Variants in PTPRM observed in about 807,000 individuals in gnomAD.
PTPRM encodes the protein protein tyrosine phosphatase receptor type M.
In PTPRM, 47 loss-of-function variants were observed where a neutral mutation model predicts 186.7. That is an observed-to-expected ratio of 0.25 (90% CI 0.20 to 0.32). The LOEUF is 0.32. PTPRM is among the 10% of genes least tolerant of loss of function. The probability of loss-of-function intolerance (pLI) is 1.00; values close to 1 mark genes in which losing one functional copy is unlikely to be tolerated. For synonymous variants in PTPRM, 668 were observed against 674.9 expected (o/e 0.99, Z 0.16); for missense variants, 1,494 against 1,865.0 (o/e 0.80, Z 3.66).
At chr18:7,999,133 G>A (rs1599954891) in intron 7 of PTPRM, among the ~76,000 whole-genome samples, 1 of 152,154 alleles carries the variant, frequency 6.6e-6, no homozygotes, top group Admixed American at 6.5e-5. Context: ...CCTTTCCGCT[G>A]CAGAGTGCAC....
At chr18:8,126,765 TG>T (rs1428582762) in intron 13 of PTPRM, among the ~76,000 whole-genome samples, 1 of 152,098 alleles carries the variant, frequency 6.6e-6, no homozygotes, top group Non-Finnish European at 1.5e-5. Flanking sequence ...GTATATGGCT[TG>T]AAGATGGTGG....
chr18:8,375,252 A>C (rs2095687618), intron 24 of PTPRM, among the ~76,000 whole-genome samples: 1 of 152,218 alleles, frequency 6.6e-6, no homozygotes, highest in South Asian at 2.1e-4. Context: ...GACCTAGCCT[A>C]GAATTCCAGC....
intron 19 of PTPRM, among the ~76,000 whole-genome samples, chr18:8,289,561 CACAT>C (rs202104423): frequency 0.022 from 1,670 of 76,844 alleles, 145 homozygotes; most frequent in African/African-American, 0.092. Context: ...CATATATATA[CACAT>C]ATATATATAT....
At chr18:8,317,748 A>G (rs989989559) in intron 21 of PTPRM, among the ~76,000 whole-genome samples, 1 of 152,208 alleles carries the variant, frequency 6.6e-6, no homozygotes, top group African/African-American at 2.4e-5. Context: ...ATGGCCAAGT[A>G]GATAAGGACT....
intron 7 of PTPRM, among the ~76,000 whole-genome samples, chr18:8,008,564 T>G (rs1202260745): frequency 6.6e-6 from 1 of 152,224 alleles, no homozygotes; most frequent in Non-Finnish European, 1.5e-5. Context: ...TATTTATTTG[T>G]ACTTTGGGTG....
At chr18:7,996,151 C>T (rs927727148) in intron 7 of PTPRM, among the ~76,000 whole-genome samples, 1 of 151,388 alleles carries the variant, frequency 6.6e-6, no homozygotes, top group Non-Finnish European at 1.5e-5. Flanking sequence ...TCCATTTACT[C>T]TTTTTTTCCT....
At chr18:7,685,064 A>G (rs986451690) in intron 1 of PTPRM, among the ~76,000 whole-genome samples, 1 of 152,216 alleles carries the variant, frequency 6.6e-6, no homozygotes, top group African/African-American at 2.4e-5. Context: ...TATTATGCTT[A>G]TGATGATAGG....
chr18:7,841,200 A>G (rs2218368), intron 2 of PTPRM, among the ~76,000 whole-genome samples: 5,643 of 144,946 alleles, frequency 0.039, 297 homozygotes, highest in African/African-American at 0.12. Flanking sequence ...GCTTTTGCAT[A>G]TTGCTTCCTT....
intron 1 of PTPRM, among the ~76,000 whole-genome samples, chr18:7,571,414 C>G (rs1352410212): frequency 1.3e-5 from 2 of 152,174 alleles, no homozygotes; most frequent in Admixed American, 6.5e-5. Context: ...TTCCCTTTTG[C>G]ATGGTGAGAA....
Position 8,379,267 on chromosome 18 carries a change from C to A in PTPRM, c.3713C>A (p.Pro1238Gln). 6.2e-7 allele frequency: 1 copy of A among 1,614,156 alleles called. No individual in the cohort carries two copies. The highest frequency in any genetic ancestry group is 8.5e-7 in the Non-Finnish European group (1 of 1,180,010). Residue 1238 changes from proline to glutamine, a missense_variant, in exon 28 of 33, where the codon CCA becomes CAA. Transcript: ENST00000580170. Reference sequence around the variant, plus strand: ...AACCGGTGCATGGACATCCTGCCCCCAGACCGCTGCCTGCCCTTCCTCATC... The same window carrying A: ...AACCGGTGCATGGACATCCTGCCCCAAGACCGCTGCCTGCCCTTCCTCATC... Reference protein sequence around the residue: ...EKNRCMDILPPDRCLPFLITI... With the variant: ...EKNRCMDILPQDRCLPFLITI...
At chr18:7,572,847 A>G (rs1027710497) in intron 1 of PTPRM, among the ~76,000 whole-genome samples, 1 of 152,250 alleles carries the variant, frequency 6.6e-6, no homozygotes, top group African/African-American at 2.4e-5. Flanking sequence ...TTTCCAACTC[A>G]CAAACATTCT....
chr18:7,683,701 T>C (rs1411233849), intron 1 of PTPRM, among the ~76,000 whole-genome samples: 3 of 152,204 alleles, frequency 2.0e-5, no homozygotes, highest in Non-Finnish European at 2.9e-5. Context: ...TGTTGCATAA[T>C]AAATTGCTAC....
At chr18:7,949,465 G>C in intron 6 of PTPRM, 110 bp downstream of exon 6, 3 of 889,656 alleles carry the variant, frequency 3.4e-6, no homozygotes, top group Non-Finnish European at 4.8e-6. Flanking sequence ...TTTCTGAGCA[G>C]TGGTTTGATG....
chr18:7,648,357 A>AC (rs926051092), intron 1 of PTPRM, among the ~76,000 whole-genome samples: 10 of 152,248 alleles, frequency 6.6e-5, no homozygotes, highest in Non-Finnish European at 1.5e-4. Flanking sequence ...TAATAACCCC[A>AC]CAGTGGCCTC....
intron 1 of PTPRM, among the ~76,000 whole-genome samples, chr18:7,736,775 G>A (rs992931786): frequency 1.3e-5 from 2 of 152,172 alleles, no homozygotes; most frequent in African/African-American, 2.4e-5. Context: ...TAAATTATGA[G>A]TTGATTTTTA....
chr18:8,120,921 A>G (rs1029598527), intron 13 of PTPRM, among the ~76,000 whole-genome samples: 15 of 152,232 alleles, frequency 9.9e-5, no homozygotes, highest in Admixed American at 9.8e-4. Context: ...CCAAACAAAA[A>G]TGTTATGTGT....
chr18:7,731,315 A>G (rs1397874725), intron 1 of PTPRM, among the ~76,000 whole-genome samples: 1 of 152,196 alleles, frequency 6.6e-6, no homozygotes, highest in Non-Finnish European at 1.5e-5. Flanking sequence ...TACTATAGCA[A>G]TGGAGAAGTA....
chr18:7,746,984 T>C (rs1009259766), intron 1 of PTPRM, among the ~76,000 whole-genome samples: 1 of 152,074 alleles, frequency 6.6e-6, no homozygotes, highest in Admixed American at 6.6e-5. Flanking sequence ...CGGTGTGAAC[T>C]CCCAGGGCTG....
At chr18:8,066,341 A>G (rs577344354) in intron 7 of PTPRM, among the ~76,000 whole-genome samples, 51 of 152,244 alleles carry the variant, frequency 3.3e-4, no homozygotes, top group South Asian at 4.2e-4. Context: ...TATTGTATGT[A>G]TCTGCTTTTC....
Sources: allele counts gnomAD v4.1 joint callset (sites outside exome capture counted in the v4.1 genomes callset), GRCh38; gene constraint gnomAD v4.1.1; transcripts MANE v1.5; gene names NCBI Gene and HGNC (gene_info 2026-07-23, HGNC 2026-07-21).